Variants in PTPRM observed in about 807,000 individuals in gnomAD.
The protein encoded by PTPRM is receptor-type tyrosine-protein phosphatase mu.
Under a neutral mutation model 186.7 loss-of-function variants are expected in PTPRM, and 47 were observed. The observed-to-expected ratio is 0.25, with a 90% CI of 0.20 to 0.32. The LOEUF (loss-of-function observed/expected upper bound fraction) is 0.32, where lower values mean the gene tolerates loss of function less well. Ranked by LOEUF, PTPRM falls within the 10% of genes least tolerant of loss-of-function variation. The pLI is 1.00. For missense variants in PTPRM, 1,494 were observed against 1,865.0 expected (o/e 0.80, Z 3.66); for synonymous variants, 668 against 674.9 (o/e 0.99, Z 0.16).
At chr18:7,983,758 T>G (rs2082684993) in intron 7 of PTPRM, among the ~76,000 whole-genome samples, 1 of 152,194 alleles carries the variant, frequency 6.6e-6, no homozygotes, top group Admixed American at 6.5e-5. Context: ...GAAAATAATC[T>G]GTGAAAGGTC....
rs181615392 is a variant in PTPRM at position 8,249,879 on chromosome 18, T to C, written c.2554+1703T>C. 5.4e-4 allele frequency among the ~76,000 whole-genome samples: 83 copies of C among 152,328 alleles called. 2 individuals are homozygous for C. The East Asian group carries it at 0.013, about 23-fold the overall frequency. Reference sequence around the variant, plus strand: ...CACCCAGATAGACCAATAACTGTTATCATGTATGGCTTATATAGGTACCAA... The same window carrying C: ...CACCCAGATAGACCAATAACTGTTACCATGTATGGCTTATATAGGTACCAA... On this transcript the variant is annotated intron_variant, in intron 17 of 32. Coordinates refer to ENST00000580170, the MANE Select transcript of PTPRM (RefSeq NM_001105244.2).
chr18:7,761,194 A>G (rs1459291961), intron 1 of PTPRM, among the ~76,000 whole-genome samples: 1 of 152,228 alleles, frequency 6.6e-6, no homozygotes, highest in African/African-American at 2.4e-5. Flanking sequence ...AGTATTGCTC[A>G]GAGCTTGGAG....
chr18:7,695,767 G>A (rs377293929), intron 1 of PTPRM, among the ~76,000 whole-genome samples: 3 of 152,266 alleles, frequency 2.0e-5, no homozygotes, highest in African/African-American at 7.2e-5. Flanking sequence ...GAGTGGTATG[G>A]CCCACAACTG....
At chr18:7,875,825 C>T (rs1057512957) in intron 2 of PTPRM, among the ~76,000 whole-genome samples, 12 of 152,150 alleles carry the variant, frequency 7.9e-5, no homozygotes, top group South Asian at 4.2e-4. Flanking sequence ...AGAAATGTAT[C>T]GTCAGGCGAT....
At chr18:8,226,126 C>CAA (rs1389265540) in intron 14 of PTPRM, among the ~76,000 whole-genome samples, 1 of 138,688 alleles carries the variant, frequency 7.2e-6, no homozygotes, top group African/African-American at 2.8e-5. Context: ...TAACAGATAG[C>CAA]AAATGTTGGC....
intron 2 of PTPRM, among the ~76,000 whole-genome samples, chr18:7,852,128 A>G (rs1350575903): frequency 6.6e-6 from 1 of 152,254 alleles, no homozygotes; most frequent in Non-Finnish European, 1.5e-5. Flanking sequence ...AACACAGCTC[A>G]ATAGAGAGCT....
chr18:7,947,635 C>T (rs7239466), intron 5 of PTPRM, among the ~76,000 whole-genome samples: 8,664 of 152,182 alleles, frequency 0.057, 823 homozygotes, highest in African/African-American at 0.2. Context: ...TCTTTCTCAC[C>T]ATCTTGAGCT....
chr18:8,023,831 G>GACACACAC lies in PTPRM; in HGVS notation c.1133-45822_1133-45815dup, dbSNP rs71354587. ...CAATTTAAATGGTAAATTATCAGAAGACACACACACACACACACACACACA... is the reference window on the plus strand; with the variant it reads ...CAATTTAAATGGTAAATTATCAGAAGACACACACACACACACACACACACACACACACA... On this transcript the variant is annotated intron_variant, in intron 7 of 32. Coordinates refer to ENST00000580170, the MANE Select transcript of PTPRM (RefSeq NM_001105244.2). Among the ~76,000 whole-genome samples, 723 of 110,272 alleles carry GACACACAC rather than the reference G, an allele frequency of 6.6e-3. 6 individuals are homozygous for GACACACAC. Among genetic ancestry groups the GACACACAC allele is most frequent in the African/African-American group, 0.019 (607 of 32,472 alleles). 72.3% of individuals were successfully genotyped at this position (110,272 alleles called of 152,430 possible).
intron 11 of PTPRM, among the ~76,000 whole-genome samples, chr18:8,104,994 G>A (rs1458284704): frequency 6.6e-6 from 1 of 152,112 alleles, no homozygotes; most frequent in African/African-American, 2.4e-5. Context: ...GACTGCAGGA[G>A]CATCTTAAAC....
intron 14 of PTPRM, among the ~76,000 whole-genome samples, chr18:8,145,341 A>AC (rs1189968713): frequency 2.0e-5 from 3 of 152,168 alleles, no homozygotes; most frequent in Admixed American, 2.0e-4. Context: ...TCTTTATTAT[A>AC]TTTTAAGTTC....
At chr18:8,111,425 C>T (rs1351671613) in intron 11 of PTPRM, among the ~76,000 whole-genome samples, 1 of 152,020 alleles carries the variant, frequency 6.6e-6, no homozygotes, top group Non-Finnish European at 1.5e-5. Flanking sequence ...CTGGCTAACA[C>T]GGTGAAACCC....
intron 1 of PTPRM, among the ~76,000 whole-genome samples, chr18:7,669,775 T>G (rs1408079758): frequency 6.6e-6 from 1 of 152,232 alleles, no homozygotes; most frequent in African/African-American, 2.4e-5. Flanking sequence ...CAGGCTGGAG[T>G]GCAGTGGTGC....
chr18:8,352,653 G>GTTTTT (rs1355276752), intron 23 of PTPRM, among the ~76,000 whole-genome samples: 1 of 121,342 alleles, frequency 8.2e-6, no homozygotes, highest in African/African-American at 2.9e-5. Context: ...TTTTGGTTTG[G>GTTTTT]TTTTTTTTGT....
At chr18:8,356,681 A>G (rs1240530693) in intron 23 of PTPRM, among the ~76,000 whole-genome samples, 1 of 152,178 alleles carries the variant, frequency 6.6e-6, no homozygotes, top group Non-Finnish European at 1.5e-5. Flanking sequence ...TCTGGGGAGA[A>G]GGTAAGGATG....
intron 1 of PTPRM, among the ~76,000 whole-genome samples, chr18:7,646,141 G>A (rs1220386282): frequency 6.6e-6 from 1 of 152,104 alleles, no homozygotes; most frequent in Non-Finnish European, 1.5e-5. Flanking sequence ...ATATGCCCAG[G>A]ATTTGAAGTG....
chr18:7,719,688 A>G (rs1053666284), intron 1 of PTPRM, among the ~76,000 whole-genome samples: 2 of 152,214 alleles, frequency 1.3e-5, no homozygotes, highest in Admixed American at 1.3e-4. Context: ...TTAAGTTTCC[A>G]AACAAGGCAA....
At chr18:8,172,489 A>G (rs2093417385) in intron 14 of PTPRM, among the ~76,000 whole-genome samples, 1 of 152,052 alleles carries the variant, frequency 6.6e-6, no homozygotes, top group African/African-American at 2.4e-5. Context: ...TCATCCGGGT[A>G]CTTACAACAG....
In PTPRM at chr18:8,380,319, T is replaced by C. The variant is rs747638957; in HGVS notation, c.3810T>C (p.Phe1270=). 6.2e-7 allele frequency: 1 copy of C among 1,613,990 alleles called. No homozygotes were observed. Among genetic ancestry groups the C allele is most frequent in the Non-Finnish European group, 8.5e-7 (1 of 1,179,804 alleles). Residue 1270 remains phenylalanine, a synonymous_variant, in exon 29 of 33, where the codon TTT becomes TTC. Coordinates refer to ENST00000580170, the MANE Select transcript of PTPRM (RefSeq NM_001105244.2). ...LMDSYKQPSA[F]IVTQHPLPNT... ...AGAGCTATAAACAGCCTTCAGCTTT[T>C]ATAGTCACCCAGCATCCTTTGCCAA...
At chr18:7,842,158 T>C (rs2046357774) in intron 2 of PTPRM, among the ~76,000 whole-genome samples, 1 of 152,092 alleles carries the variant, frequency 6.6e-6, no homozygotes, top group Non-Finnish European at 1.5e-5. Flanking sequence ...ATAGGAAAAA[T>C]ATGAGGCTAA....
Sources: allele counts gnomAD v4.1 joint callset (sites outside exome capture counted in the v4.1 genomes callset), GRCh38; gene constraint gnomAD v4.1.1; transcripts MANE v1.5; gene names NCBI Gene and HGNC (gene_info 2026-07-23, HGNC 2026-07-21).